The following COL22A1 variants were observed in gnomAD, a reference collection of about 807,000 sequenced individuals.
The protein encoded by COL22A1 is collagen type XXII alpha 1 chain, also known as collagen alpha-1(XXII) chain.
In COL22A1, 221 loss-of-function variants were observed where a neutral mutation model predicts 248.9. The observed-to-expected ratio is 0.89, with a 90% CI of 0.80 to 0.99. The LOEUF (loss-of-function observed/expected upper bound fraction) is 0.99. COL22A1 is among the 50% of genes least tolerant of loss of function. The pLI is 0.00. For synonymous variants in COL22A1, 891 were observed against 793.4 expected, an observed-to-expected ratio of 1.12 and a Z score of -2.07; for missense variants, 2,240 against 2,179.0, an observed-to-expected ratio of 1.03 and a Z score of -0.56.
At chr8:138,884,823 C>G (rs1261054254) in intron 1 of COL22A1, among the ~76,000 whole-genome samples, 1 of 152,150 alleles carries the variant, frequency 6.6e-6, no homozygotes, top group Non-Finnish European at 1.5e-5. Flanking sequence ...TGATCTTTCT[C>G]TGAATTATGT....
chr8:138,848,593 A>G (rs554546930), intron 3 of COL22A1, among the ~76,000 whole-genome samples: 1 of 152,262 alleles, frequency 6.6e-6, no homozygotes, highest in Non-Finnish European at 1.5e-5. Context: ...CAGCCTTGTC[A>G]TCCCCTGGCT....
At chr8:138,743,970 G>A (rs201703502) in intron 22 of COL22A1, among the ~76,000 whole-genome samples, 6 of 152,298 alleles carry the variant, frequency 3.9e-5, no homozygotes, top group South Asian at 2.1e-4. Flanking sequence ...AATATGTGCC[G>A]TATGGTCTTC....
chr8:138,599,071 A>C (rs946102740), intron 60 of COL22A1, among the ~76,000 whole-genome samples, 173 bp from the exon 61 acceptor site: 2 of 152,236 alleles, frequency 1.3e-5, no homozygotes, highest in African/African-American at 4.8e-5. Flanking sequence ...CATCACATGC[A>C]CTGTCCTGAT....
At chr8:138,686,321 T>C (rs942604050) in intron 37 of COL22A1, among the ~76,000 whole-genome samples, 5 of 152,202 alleles carry the variant, frequency 3.3e-5, no homozygotes, top group African/African-American at 1.2e-4. Context: ...TGAACAGCCC[T>C]TGTGGCGGCC....
intron 56 of COL22A1, among the ~76,000 whole-genome samples, chr8:138,612,851 G>A (rs564189335): frequency 2.5e-4 from 37 of 146,594 alleles, no homozygotes; most frequent in African/African-American, 7.8e-4. Flanking sequence ...TAGGAGAATC[G>A]CTTGAGCCCA....
intron 12 of COL22A1, among the ~76,000 whole-genome samples, chr8:138,782,189 T>C (rs1815073662): frequency 1.3e-5 from 2 of 152,218 alleles, no homozygotes; most frequent in African/African-American, 4.8e-5. Context: ...GATACAGACA[T>C]GAGTCCATCT....
At chr8:138,832,313 G>A (rs999595952) in intron 5 of COL22A1, among the ~76,000 whole-genome samples, 2 of 151,990 alleles carry the variant, frequency 1.3e-5, no homozygotes, top group East Asian at 1.9e-4. Flanking sequence ...ACTTTGCACC[G>A]TGGACTCGCC....
At chr8:138,690,773 A>T (rs1407273822) in intron 36 of COL22A1, 48 bp downstream of exon 36, 1 of 1,505,034 alleles carries the variant, frequency 6.6e-7, no homozygotes, top group African/African-American at 1.4e-5. Flanking sequence ...GGATACATTA[A>T]CTAGCTTGGT....
intron 47 of COL22A1, among the ~76,000 whole-genome samples, chr8:138,644,041 C>T (rs999437206): frequency 4.6e-5 from 7 of 152,166 alleles, no homozygotes; most frequent in Admixed American, 2.6e-4. Flanking sequence ...TTCAGTCTCC[C>T]AAAGTGCTGG....
At position 138,870,971 on chromosome 8, in the gene COL22A1, T is replaced by A. The variant is rs528362121; in HGVS notation, c.658+6779A>T. Among the ~76,000 whole-genome samples, 6 of 151,910 alleles carry A rather than the reference T, an allele frequency of 3.9e-5. No individual in the cohort carries two copies. In the East Asian group the frequency reaches 1.2e-3, roughly 29 times the overall value. Reference sequence around the variant, plus strand: ...TAGGTGGGGTGTGTGCACCCTGAGTTTACCAGGGAGTCTCAGGCCAGGCAG... The same window carrying A: ...TAGGTGGGGTGTGTGCACCCTGAGTATACCAGGGAGTCTCAGGCCAGGCAG... On this transcript the variant is annotated intron_variant, in intron 3 of 64. Transcript: ENST00000303045.
chr8:138,845,075 G>C (rs1821145875), intron 3 of COL22A1, among the ~76,000 whole-genome samples: 1 of 152,108 alleles, frequency 6.6e-6, no homozygotes, highest in African/African-American at 2.4e-5. Context: ...TCATCTGATG[G>C]AGCTTCAGGT....
chr8:138,676,702 G>C lies in COL22A1; in HGVS notation c.3073-67C>G, dbSNP rs1011147610. ...GAAGGAGAGGGCTAGGGTACAAAAT[G>C]AATCATGCTTCTTCTAGAATCCTGA... On this transcript the variant is annotated intron_variant, in intron 40 of 64. Coordinates refer to ENST00000303045, the MANE Select transcript of COL22A1 (RefSeq NM_152888.3). The C allele has an allele frequency of 3.5e-6, 4 of 1,154,098 alleles. No individual in the cohort carries two copies. In the Admixed American group the frequency reaches 8.7e-5, roughly 25 times the overall value. 71.5% of individuals were successfully genotyped at this position (1,154,098 alleles called of 1,614,324 possible). A position where few individuals can be genotyped will look rare whatever the true frequency, so the allele number is the denominator to read the frequency against.
chr8:138,708,494 C>T (rs1159847378), intron 30 of COL22A1, among the ~76,000 whole-genome samples: 1 of 152,190 alleles, frequency 6.6e-6, no homozygotes. Flanking sequence ...ACATCTACAA[C>T]CATCTGATCT....
At chr8:138,823,724 T>C (rs1053503793) in intron 6 of COL22A1, among the ~76,000 whole-genome samples, 1 of 152,246 alleles carries the variant, frequency 6.6e-6, no homozygotes, top group African/African-American at 2.4e-5. Flanking sequence ...ACTTTTTTCA[T>C]AGCACAGCAT....
intron 1 of COL22A1, among the ~76,000 whole-genome samples, chr8:138,890,352 C>T (rs1453619321): frequency 6.6e-6 from 1 of 152,152 alleles, no homozygotes; most frequent in East Asian, 1.9e-4. Context: ...ACTCAACATG[C>T]TACTGGAAGT....
chr8:138,604,787 A>T lies in COL22A1; in HGVS notation c.4105-18T>A. 6.2e-7 allele frequency: 1 copy of T among 1,608,828 alleles called. No homozygotes were observed. On this transcript the variant is annotated intron_variant, in intron 58 of 64. Transcript: ENST00000303045. ...GGTTCTCCCTGGAAAACAGAACAGAATATCAGTGGCTCTGCAGCATCAGCC... is the reference window on the plus strand; with the variant it reads ...GGTTCTCCCTGGAAAACAGAACAGATTATCAGTGGCTCTGCAGCATCAGCC...
chr8:138,625,123 G>T (rs753446541), intron 51 of COL22A1, among the ~76,000 whole-genome samples: 1 of 152,084 alleles, frequency 6.6e-6, no homozygotes, highest in Non-Finnish European at 1.5e-5. Context: ...ATAGAAATGC[G>T]ATCACCAGAT....
chr8:138,783,787 T>C (rs1040813403), intron 12 of COL22A1, among the ~76,000 whole-genome samples: 4 of 152,192 alleles, frequency 2.6e-5, no homozygotes, highest in Non-Finnish European at 4.4e-5. Context: ...CAAACAACTA[T>C]GTGGAAAAAA....
At chr8:138,708,121 T>A (rs1828633029) in intron 30 of COL22A1, among the ~76,000 whole-genome samples, 1 of 152,090 alleles carries the variant, frequency 6.6e-6, no homozygotes, top group African/African-American at 2.4e-5. Context: ...AAACCACTGC[T>A]CAAGGAAATA....
Sources: gnomAD v4.1 joint callset for allele counts (sites outside exome capture counted in the v4.1 genomes callset) on GRCh38, gnomAD v4.1.1 for gene constraint, MANE v1.5 for transcripts, NCBI Gene and HGNC (gene_info 2026-07-23, HGNC 2026-07-21) for gene names.